Variants in FAM107B observed in about 807,000 individuals in gnomAD.
The protein encoded by FAM107B is protein FAM107B.
A neutral mutation model predicts 31.5 loss-of-function variants in FAM107B; 21 were observed. The ratio of observed to expected loss-of-function variants is 0.67; its 90% CI spans 0.47 to 0.96. The LOEUF is 0.96. FAM107B is among the 40% of genes least tolerant of loss of function. The pLI is 0.00. For synonymous variants in FAM107B, 157 were observed against 141.5 expected (o/e 1.11, Z -0.78); for missense variants, 452 against 377.1 (o/e 1.20, Z -1.64).
rs184806073 is a variant in FAM107B at position 14,558,392 on chromosome 10, A to G, written c.470-27877T>C. Reference sequence around the variant, plus strand: ...ACAAGATACCTAATTAAATTATTTCACCCTGAGGTGTAAAATAATTCCTTG... The same window carrying G: ...ACAAGATACCTAATTAAATTATTTCGCCCTGAGGTGTAAAATAATTCCTTG... On this transcript the variant is annotated intron_variant, in intron 2 of 4. Coordinates refer to ENST00000181796, the MANE Select transcript of FAM107B (RefSeq NM_031453.4). Among the ~76,000 whole-genome samples, 13 of 152,320 alleles carry G rather than the reference A, an allele frequency of 8.5e-5. No homozygotes were observed. The East Asian group carries it at 2.1e-3, about 25-fold the overall frequency.
intron 1 of FAM107B, among the ~76,000 whole-genome samples, chr10:14,682,507 C>A (rs1433072100): frequency 2.6e-5 from 4 of 152,114 alleles, no homozygotes; most frequent in African/African-American, 9.7e-5. Flanking sequence ...CCAGCTTGGG[C>A]AACAGAGTGA....
chr10:14,581,853 T>C (rs978392042), intron 2 of FAM107B, among the ~76,000 whole-genome samples: 2 of 152,156 alleles, frequency 1.3e-5, no homozygotes, highest in African/African-American at 2.4e-5. Context: ...CAGTGAACTG[T>C]GGTCACATCA....
At chr10:14,653,609 C>T (rs188619282) in intron 2 of FAM107B, among the ~76,000 whole-genome samples, 1 of 149,666 alleles carries the variant, frequency 6.7e-6, no homozygotes, top group East Asian at 2.0e-4. Context: ...AGCTGTGCAG[C>T]CACAGTCATC....
At chr10:14,537,803 C>T (rs1847785228) in intron 2 of FAM107B, among the ~76,000 whole-genome samples, 1 of 148,706 alleles carries the variant, frequency 6.7e-6, no homozygotes, top group South Asian at 2.2e-4. Context: ...CCACTGCACT[C>T]CAGCCTGGCG....
intron 1 of FAM107B, among the ~76,000 whole-genome samples, chr10:14,736,417 G>A (rs529898826): frequency 1.1e-4 from 17 of 152,248 alleles, no homozygotes; most frequent in Admixed American, 2.0e-4. Context: ...TGAGTAGTTC[G>A]CCTCAATCTA....
intron 2 of FAM107B, among the ~76,000 whole-genome samples, chr10:14,640,699 G>C (rs1361560507): frequency 6.6e-6 from 1 of 152,204 alleles, no homozygotes; most frequent in Non-Finnish European, 1.5e-5. Context: ...TGGGATGATA[G>C]ATGGTGCACC....
At chr10:14,750,590 C>A (rs1832808659) in intron 1 of FAM107B, among the ~76,000 whole-genome samples, 1 of 152,068 alleles carries the variant, frequency 6.6e-6, no homozygotes, top group Non-Finnish European at 1.5e-5. Context: ...CCAGCCTGGG[C>A]AACAGAGTGA....
chr10:14,712,712 G>C (rs1378874801), intron 1 of FAM107B, among the ~76,000 whole-genome samples: 1 of 152,164 alleles, frequency 6.6e-6, no homozygotes, highest in Non-Finnish European at 1.5e-5. Flanking sequence ...AACCATTGCT[G>C]GGAAGAGGTT....
chr10:14,702,475 T>C (rs1362254202), intron 1 of FAM107B, among the ~76,000 whole-genome samples: 3 of 152,118 alleles, frequency 2.0e-5, no homozygotes, highest in African/African-American at 7.2e-5. Flanking sequence ...GCCCCCTGAG[T>C]AGCTGAGATT....
chr10:14,739,393 G>T (rs973861451), intron 1 of FAM107B, among the ~76,000 whole-genome samples: 1 of 152,184 alleles, frequency 6.6e-6, no homozygotes, highest in Non-Finnish European at 1.5e-5. Context: ...AGTAGGGCAG[G>T]CGCTGGGGAC....
chr10:14,733,260 G>A (rs937181454), intron 1 of FAM107B, among the ~76,000 whole-genome samples: 33 of 151,894 alleles, frequency 2.2e-4, no homozygotes, highest in African/African-American at 6.0e-4. Flanking sequence ...AACCTCACCT[G>A]CGTTTTCAAA....
At chr10:14,637,330 T>C (rs1293081219) in intron 2 of FAM107B, among the ~76,000 whole-genome samples, 1 of 152,096 alleles carries the variant, frequency 6.6e-6, no homozygotes, top group Non-Finnish European at 1.5e-5. Context: ...ACCTGTAACT[T>C]GACTCTAACC....
Position 14,579,982 on chromosome 10 carries a change from A to G in FAM107B, c.470-49467T>C, listed in dbSNP as rs142993180. 2.6e-3 allele frequency among the ~76,000 whole-genome samples: 393 copies of G among 151,572 alleles called. 7 individuals are homozygous for G. The highest frequency in any genetic ancestry group is 8.9e-3 in the African/African-American group (368 of 41,288). On this transcript the variant is annotated intron_variant, in intron 2 of 4. Transcript: ENST00000181796. ...AGTTGCAGTGAGCTGAGATCATGCC[A>G]TTACACTCCAGCATGTGTTACAGCA... is the stretch of plus-strand genomic sequence containing the variant.
intron 2 of FAM107B, among the ~76,000 whole-genome samples, chr10:14,592,790 C>T (rs998922017): frequency 6.6e-6 from 1 of 152,256 alleles, no homozygotes; most frequent in African/African-American, 2.4e-5. Flanking sequence ...GCCCTGCACA[C>T]TGGTAGCCTG....
chr10:14,525,757 C>T (rs1355877481), intron 3 of FAM107B, among the ~76,000 whole-genome samples: 1 of 152,230 alleles, frequency 6.6e-6, no homozygotes, highest in Non-Finnish European at 1.5e-5. Flanking sequence ...TAGCTGCACA[C>T]TTCTACAAGT....
At chr10:14,690,743 C>G (rs374383428) in intron 1 of FAM107B, among the ~76,000 whole-genome samples, 2 of 150,390 alleles carry the variant, frequency 1.3e-5, no homozygotes, top group Admixed American at 6.6e-5. Context: ...TGAGCCACCA[C>G]GCCCGGCCAA....
intron 1 of FAM107B, among the ~76,000 whole-genome samples, chr10:14,723,020 G>A (rs750892392): frequency 1.3e-4 from 20 of 152,080 alleles, no homozygotes; most frequent in South Asian, 6.2e-4. Flanking sequence ...TCCAATGGCC[G>A]TCTTTTACAT....
chr10:14,578,814 GA>G (rs1436560774), intron 2 of FAM107B, among the ~76,000 whole-genome samples: 6 of 152,174 alleles, frequency 3.9e-5, no homozygotes, highest in Admixed American at 3.3e-4. Context: ...TCATTGTTGG[GA>G]ACAAACAATG....
chr10:14,527,598 G>A (rs991737429), intron 3 of FAM107B, among the ~76,000 whole-genome samples: 1 of 152,152 alleles, frequency 6.6e-6, no homozygotes, highest in African/African-American at 2.4e-5. Flanking sequence ...CCTTAAACCA[G>A]TCACCTTGAG....
Sources: gnomAD v4.1 joint callset for allele counts (sites outside exome capture counted in the v4.1 genomes callset) on GRCh38, gnomAD v4.1.1 for gene constraint, MANE v1.5 for transcripts, NCBI Gene and HGNC (gene_info 2026-07-23, HGNC 2026-07-21) for gene names.